RALGAPA1: variants seen among roughly 807,000 people sequenced by gnomAD.
The protein encoded by RALGAPA1 is ral GTPase-activating protein subunit alpha-1.
A neutral mutation model predicts 269.6 loss-of-function variants in RALGAPA1; 52 were observed. The observed-to-expected ratio is 0.19, with a 90% confidence interval of 0.15 to 0.24. The LOEUF (loss-of-function observed/expected upper bound fraction) is 0.24, where lower values mean the gene tolerates loss of function less well. Ranked by LOEUF, RALGAPA1 falls within the 10% of genes least tolerant of loss-of-function variation. The pLI is 1.00. For synonymous variants in RALGAPA1, 817 were observed against 1,008.3 expected (o/e 0.81, Z 3.60); for missense variants, 1,917 against 3,013.9 (o/e 0.64, Z 8.52).
intron 35 of RALGAPA1, among the ~76,000 whole-genome samples, chr14:35,623,000 T>C (rs1349910337): frequency 6.6e-6 from 1 of 150,432 alleles, no homozygotes; most frequent in Admixed American, 6.6e-5. Flanking sequence ...ATGAATCACT[T>C]GAACCTGGGA....
intron 35 of RALGAPA1, among the ~76,000 whole-genome samples, chr14:35,620,371 A>G (rs1054780882): frequency 6.6e-6 from 1 of 152,186 alleles, no homozygotes; most frequent in Non-Finnish European, 1.5e-5. Context: ...CAAAATAACT[A>G]GAGCTATTTT....
intron 16 of RALGAPA1, among the ~76,000 whole-genome samples, chr14:35,717,219 C>T (rs1270349960): frequency 6.6e-6 from 1 of 152,268 alleles, no homozygotes; most frequent in African/African-American, 2.4e-5. Context: ...GGTGCGATCT[C>T]GGCCCACTGC....
At chr14:35,610,673 T>C (rs1027538363) in intron 35 of RALGAPA1, among the ~76,000 whole-genome samples, 3 of 152,128 alleles carry the variant, frequency 2.0e-5, no homozygotes, top group African/African-American at 7.2e-5. Flanking sequence ...ATAATTTGAT[T>C]AGAAAGGAAG....
At chr14:35,752,319 G>A (rs748123592) in intron 7 of RALGAPA1, among the ~76,000 whole-genome samples, 157 bp from the exon 8 acceptor site, 1 of 151,976 alleles carries the variant, frequency 6.6e-6, no homozygotes, top group Non-Finnish European at 1.5e-5. Flanking sequence ...CTTTTAAATT[G>A]GTCTAATGTC....
chr14:35,751,580 T>C (rs1228784030), intron 8 of RALGAPA1, among the ~76,000 whole-genome samples: 1 of 151,774 alleles, frequency 6.6e-6, no homozygotes, highest in East Asian at 1.9e-4. Flanking sequence ...AGCCAGGAGT[T>C]CAAGACCAGC....
intron 26 of RALGAPA1, among the ~76,000 whole-genome samples, chr14:35,665,178 G>C (rs1368927030): frequency 6.6e-6 from 1 of 152,096 alleles, no homozygotes; most frequent in Non-Finnish European, 1.5e-5. Flanking sequence ...AGAAGAAAAA[G>C]CATTAACTAT....
At chr14:35,673,796 G>A (rs1207812994) in intron 24 of RALGAPA1, among the ~76,000 whole-genome samples, 1 of 152,034 alleles carries the variant, frequency 6.6e-6, no homozygotes, top group Non-Finnish European at 1.5e-5. Context: ...TGGCCAGGCT[G>A]GTCTCAAACT....
chr14:35,670,265 G>C (rs1254751703), intron 26 of RALGAPA1, among the ~76,000 whole-genome samples: 2 of 152,136 alleles, frequency 1.3e-5, no homozygotes, highest in African/African-American at 4.8e-5. Context: ...CACTCTTGCA[G>C]CTAAACAATG....
chr14:35,661,913 T>C (rs981091529), intron 27 of RALGAPA1, among the ~76,000 whole-genome samples: 3 of 152,142 alleles, frequency 2.0e-5, no homozygotes, highest in Non-Finnish European at 4.4e-5. Flanking sequence ...CAGGATCATG[T>C]AATATAAAAT....
intron 31 of RALGAPA1, among the ~76,000 whole-genome samples, chr14:35,642,957 G>T (rs1468510274): frequency 6.6e-6 from 1 of 152,158 alleles, no homozygotes; most frequent in Non-Finnish European, 1.5e-5. Context: ...TGATAGACTA[G>T]ATTAAGAAAA....
intron 27 of RALGAPA1, among the ~76,000 whole-genome samples, chr14:35,662,567 G>A (rs1242745391): frequency 6.6e-6 from 1 of 152,088 alleles, no homozygotes; most frequent in African/African-American, 2.4e-5. Context: ...GAGATTTGTT[G>A]TTGTTTTTAA....
chr14:35,635,033 T>TG (rs1331764406), intron 32 of RALGAPA1, among the ~76,000 whole-genome samples: 5 of 151,796 alleles, frequency 3.3e-5, no homozygotes, highest in Non-Finnish European at 5.9e-5. Flanking sequence ...TAGCCAGGTG[T>TG]GGTGGTGGGC....
chr14:35,649,445 G>A (rs2062666129), intron 31 of RALGAPA1, among the ~76,000 whole-genome samples: 1 of 151,860 alleles, frequency 6.6e-6, no homozygotes, highest in Admixed American at 6.6e-5. Flanking sequence ...CGTTCATAGT[G>A]TGGCATCCAA....
chr14:35,563,454 G>A (rs1594598055), intron 39 of RALGAPA1, among the ~76,000 whole-genome samples: 1 of 152,118 alleles, frequency 6.6e-6, no homozygotes. Flanking sequence ...TAGGAGATGA[G>A]GGTAAAGATG....
At chr14:35,789,648 C>G (rs2076021003) in intron 1 of RALGAPA1, among the ~76,000 whole-genome samples, 2 of 152,084 alleles carry the variant, frequency 1.3e-5, no homozygotes, top group African/African-American at 4.8e-5. Flanking sequence ...CATCCCGAAA[C>G]CATTCCTCAC....
chr14:35,665,249 C>T (rs1046209968), intron 26 of RALGAPA1, among the ~76,000 whole-genome samples: 1 of 152,128 alleles, frequency 6.6e-6, no homozygotes, highest in African/African-American at 2.4e-5. Context: ...AAAGCATTGC[C>T]TATACCACTT....
chr14:35,574,016 A>G (rs1050618103), intron 37 of RALGAPA1, among the ~76,000 whole-genome samples: 1 of 152,218 alleles, frequency 6.6e-6, no homozygotes, highest in African/African-American at 2.4e-5. Flanking sequence ...TTACAATAGC[A>G]GCCAGATCTA....
Position 35,750,515 on chromosome 14 carries a change from C to A in RALGAPA1, c.978G>T (p.Gly326=). Residue 326 remains glycine, a synonymous_variant, in exon 9 of 42, where the codon GGG becomes GGT. Transcript: ENST00000680220. ...TCTTTGGCAAGACTTCACCTTCCAT[C>A]CCAGGAATATGAGGTCCTGTATGTG... ...PKPHTGPHIP[G]MEGEVLPKNI... 2 of 1,613,030 alleles carry A rather than the reference C, an allele frequency of 1.2e-6. No homozygotes were observed. Among genetic ancestry groups the A allele is most frequent in the Non-Finnish European group, 1.7e-6 (2 of 1,179,384 alleles).
intron 4 of RALGAPA1, chr14:35,766,119 C>A: frequency 9.8e-7 from 1 of 1,020,134 alleles, no homozygotes; most frequent in Non-Finnish European, 1.6e-6. Flanking sequence ...TACTGGAGGG[C>A]TGACCAGAAA....
Sources: allele counts gnomAD v4.1 joint callset (sites outside exome capture counted in the v4.1 genomes callset), GRCh38; gene constraint gnomAD v4.1.1; transcripts MANE v1.5; gene names NCBI Gene and HGNC (gene_info 2026-07-23, HGNC 2026-07-21).